The following HOMER2 variants were observed in gnomAD, a reference collection of about 807,000 sequenced individuals.
The protein encoded by HOMER2 is homer protein homolog 2.
In HOMER2, 27 loss-of-function variants were observed where a neutral mutation model predicts 47.0. The ratio of observed to expected loss-of-function variants is 0.57; its 90% confidence interval spans 0.42 to 0.79. The LOEUF is 0.79. Ranked by LOEUF, HOMER2 falls within the 30% of genes least tolerant of loss-of-function variation. The probability of loss-of-function intolerance (pLI) is 0.00; values close to 1 mark genes in which losing one functional copy is unlikely to be tolerated. For missense variants in HOMER2, 443 were observed against 435.0 expected, an observed-to-expected ratio of 1.02 and a Z score of -0.16; for synonymous variants, 161 against 163.8, an observed-to-expected ratio of 0.98 and a Z score of 0.13.
chr15:82,889,414 T>C (rs1048638866), intron 2 of HOMER2, among the ~76,000 whole-genome samples: 11 of 151,942 alleles, frequency 7.2e-5, no homozygotes, highest in African/African-American at 2.2e-4. Flanking sequence ...GGAACCAGAA[T>C]AGATGCTCAG....
chr15:82,961,339 G>C (rs887082260), intron 1 of HOMER2, among the ~76,000 whole-genome samples: 3 of 152,208 alleles, frequency 2.0e-5, no homozygotes, highest in Non-Finnish European at 4.4e-5. Context: ...GCGCAGGTTG[G>C]GGGGTACTAT....
chr15:82,872,229 A>G (rs1395123277), intron 3 of HOMER2, among the ~76,000 whole-genome samples: 1 of 152,026 alleles, frequency 6.6e-6, no homozygotes, highest in Non-Finnish European at 1.5e-5. Context: ...TTCTTTCAAC[A>G]AGTCACCATC....
In HOMER2 at chr15:82,966,856, T is replaced by G. The variant is rs907865126; in HGVS notation, n.83-7548A>C. Among the ~76,000 whole-genome samples the G allele has an allele frequency of 2.0e-5, 3 of 152,220 alleles. No homozygotes were observed. The South Asian group carries it at 6.2e-4, about 31-fold the overall frequency. ...CTTCAGTCATCTTCAGATAAGAAAC[T>G]TTAACTTCCTCAAGATTTCATGATG... On this transcript the variant is annotated intron_variant and non_coding_transcript_variant, in intron 1 of 1. Coordinates refer to the HOMER2 transcript ENST00000500334.
intron 5 of HOMER2, among the ~76,000 whole-genome samples, chr15:82,857,814 C>G (rs144810433): frequency 0.011 from 1,620 of 152,292 alleles, 7 homozygotes; most frequent in Non-Finnish European, 0.016. Context: ...AACCCCTACC[C>G]CTGGCCAGCA....
intron 1 of HOMER2, among the ~76,000 whole-genome samples, chr15:82,976,735 A>G (rs1401281306): frequency 6.8e-6 from 1 of 146,248 alleles, no homozygotes; most frequent in Admixed American, 7.0e-5. Context: ...GCTGGAGTAC[A>G]ATGGCGTGAT....
rs1224454588 is a variant in HOMER2, at chr15:82,972,523, T to C, written n.83-13215A>G. Reference sequence around the variant, plus strand: ...GCCACCACACCTGGCTAATATTTTGTATTTTTAGTAGAGATGTGGTTTGTC... The same window carrying C: ...GCCACCACACCTGGCTAATATTTTGCATTTTTAGTAGAGATGTGGTTTGTC... On this transcript the variant is annotated intron_variant and non_coding_transcript_variant, in intron 1 of 1. Transcript: ENST00000500334. Among the ~76,000 whole-genome samples, 7 of 152,286 alleles carry C rather than the reference T, an allele frequency of 4.6e-5. No individual in the cohort carries two copies. In the East Asian group the frequency reaches 1.4e-3, roughly 30 times the overall value.
chr15:82,859,266 TC>T, intron 4 of HOMER2, 131 bp from the exon 5 acceptor site: 1 of 1,273,098 alleles, frequency 7.9e-7, no homozygotes, highest in South Asian at 1.4e-5. Flanking sequence ...ACGAACCAAC[TC>T]ATCCAACCAG....
upstream of HOMER2, among the ~76,000 whole-genome samples, chr15:82,955,511 A>G (rs1324219574): frequency 6.6e-6 from 1 of 152,222 alleles, no homozygotes; most frequent in Non-Finnish European, 1.5e-5. Context: ...CACCATGTAC[A>G]TGCATAATGT....
intron 3 of HOMER2, among the ~76,000 whole-genome samples, chr15:82,873,309 C>T (rs1051923845): frequency 1.3e-5 from 2 of 152,140 alleles, no homozygotes; most frequent in African/African-American, 2.4e-5. Flanking sequence ...TACTGTGGAC[C>T]GCCATGCCTC....
At chr15:82,986,095 G>C (rs929344611), upstream of HOMER2, 1 of 985,432 alleles carries the variant, frequency 1.0e-6, no homozygotes, top group African/African-American at 1.7e-5. Flanking sequence ...CGAGCTCTGG[G>C]CGTTGTGCCA....
In HOMER2 at chr15:82,882,894, T is replaced by C. The variant is rs1206288137; in HGVS notation, c.163-7490A>G. 7.3e-5 allele frequency among the ~76,000 whole-genome samples: 2 copies of C among 27,520 alleles called. 1 individual carries two copies. The highest frequency in any genetic ancestry group is 3.4e-4 in the African/African-American group (2 of 5,962). 18.1% of individuals were successfully genotyped at this position (27,520 alleles called of 152,430 possible). A position where few individuals can be genotyped will look rare whatever the true frequency, so the allele number is the denominator to read the frequency against. Reference sequence around the variant, plus strand: ...CACCAGCCACTGCTTTTTTTTTTTTTTTTTTTTTTTTTATTATACTCTAAG... The same window carrying C: ...CACCAGCCACTGCTTTTTTTTTTTTCTTTTTTTTTTTTATTATACTCTAAG... On this transcript the variant is annotated intron_variant, in intron 2 of 8. Transcript: ENST00000450735.
At position 82,880,995 on chromosome 15, in the gene HOMER2, G is replaced by T. The variant is rs369832914; in HGVS notation, c.163-5591C>A. On this transcript the variant is annotated intron_variant, in intron 2 of 8. Transcript: ENST00000450735. ...GCGGCAGAATGACTTAGCAGAATGAGAACTGTTTACCCCTGGAGAGAGGGG... is the reference window on the plus strand; with the variant it reads ...GCGGCAGAATGACTTAGCAGAATGATAACTGTTTACCCCTGGAGAGAGGGG... 2.0e-5 allele frequency among the ~76,000 whole-genome samples: 3 copies of T among 152,182 alleles called. No individual in the cohort carries two copies. In the South Asian group the frequency reaches 6.2e-4, roughly 32 times the overall value.
chr15:82,976,334 G>C lies in HOMER2; in HGVS notation n.82+9453C>G, dbSNP rs992516491. 2.0e-5 allele frequency among the ~76,000 whole-genome samples: 3 copies of C among 151,994 alleles called. No homozygotes were observed. In the East Asian group the frequency reaches 5.8e-4, roughly 29 times the overall value. ...TTATTTTTGAGACGGAGTCCGCTCTGTCGCCCAGGCTGGAGTGCAGTGGTG... is the reference window on the plus strand; with the variant it reads ...TTATTTTTGAGACGGAGTCCGCTCTCTCGCCCAGGCTGGAGTGCAGTGGTG... On this transcript the variant is annotated intron_variant and non_coding_transcript_variant, in intron 1 of 1. Transcript: ENST00000500334.
At chr15:82,894,819 A>G (rs2052853056) in intron 1 of HOMER2, among the ~76,000 whole-genome samples, 3 of 149,686 alleles carry the variant, frequency 2.0e-5, no homozygotes, top group Non-Finnish European at 4.4e-5. Context: ...GACATAGACA[A>G]GATACAAAAA....
rs372242818 is a variant in HOMER2, at chr15:82,877,893, G to A, written c.163-2489C>T. 8.1e-4 allele frequency among the ~76,000 whole-genome samples: 124 copies of A among 152,272 alleles called. 1 individual carries two copies. The highest frequency in any genetic ancestry group is 2.8e-3 in the African/African-American group (117 of 41,556). ...GATCTAAACTACTGGCAAGTGTAGG[G>A]GAAAGCTATGGGACCTTGGAGGGTG... is the stretch of plus-strand genomic sequence containing the variant. On this transcript the variant is annotated intron_variant, in intron 2 of 8. Coordinates refer to ENST00000450735, the MANE Select transcript of HOMER2 (RefSeq NM_004839.4).
chr15:82,851,075 G>A (rs2151598172), intron 8 of HOMER2, 76 bp downstream of exon 8: 1 of 960,828 alleles, frequency 1.0e-6, no homozygotes, highest in African/African-American at 1.6e-5. Flanking sequence ...AAAGTGATAG[G>A]AAGCAGGAAA....
At chr15:82,881,005 C>T (rs1243914458) in intron 2 of HOMER2, among the ~76,000 whole-genome samples, 1 of 152,124 alleles carries the variant, frequency 6.6e-6, no homozygotes, top group Non-Finnish European at 1.5e-5. Context: ...GAACTGTTTA[C>T]CCCTGGAGAG....
chr15:82,873,396 A>G (rs1259842704), intron 3 of HOMER2, among the ~76,000 whole-genome samples: 1 of 152,226 alleles, frequency 6.6e-6, no homozygotes, highest in African/African-American at 2.4e-5. Context: ...GTGAGGCTGC[A>G]GAGAACTCAC....
At position 82,868,541 on chromosome 15, in the gene HOMER2, AT is replaced by A. The variant is rs10678643; in HGVS notation, c.295-4283del. ...ATTTATTTTATATATATATATATAT[AT>A]TTTTTTTTTTTTTTTTCCCCTTTTG... On this transcript the variant is annotated intron_variant, in intron 3 of 8. Transcript: ENST00000450735. 3.2e-3 allele frequency among the ~76,000 whole-genome samples: 226 copies of A among 71,254 alleles called. 14 individuals carry two copies. The highest frequency in any genetic ancestry group is 5.0e-3 in the Non-Finnish European group (177 of 35,390). 46.7% of individuals were successfully genotyped at this position (71,254 alleles called of 152,430 possible).
Sources: allele counts gnomAD v4.1 joint callset (sites outside exome capture counted in the v4.1 genomes callset), GRCh38; gene constraint gnomAD v4.1.1; transcripts MANE v1.5; gene names NCBI Gene and HGNC (gene_info 2026-07-23, HGNC 2026-07-21).